The following CFAP61 variants were observed in gnomAD, a reference collection of about 807,000 sequenced individuals.
CFAP61 encodes cilia- and flagella-associated protein 61.
CFAP61 carries 107 observed loss-of-function variants against 135.6 expected under a neutral mutation model. That is an observed-to-expected ratio of 0.79 (90% CI 0.67 to 0.93). The LOEUF (loss-of-function observed/expected upper bound fraction) is 0.93. Ranked by LOEUF, CFAP61 falls within the 40% of genes least tolerant of loss-of-function variation. The pLI is 0.00. For synonymous variants in CFAP61, 575 were observed against 578.5 expected, an observed-to-expected ratio of 0.99 and a Z score of 0.09; for missense variants, 1,507 against 1,556.2, an observed-to-expected ratio of 0.97 and a Z score of 0.53.
chr20:20,325,685 G>GT (rs1368446787), intron 25 of CFAP61, among the ~76,000 whole-genome samples: 1 of 152,184 alleles, frequency 6.6e-6, no homozygotes, highest in Non-Finnish European at 1.5e-5. Context: ...ACATGTACAA[G>GT]TTTTTGTATG....
At chr20:20,142,744 A>G (rs2051510422) in intron 8 of CFAP61, 113 bp from the exon 9 acceptor site, 2 of 670,014 alleles carry the variant, frequency 3.0e-6, no homozygotes, top group Non-Finnish European at 5.3e-6. Context: ...CTAGAATAAA[A>G]TTCTTTAGAT....
intron 26 of CFAP61, among the ~76,000 whole-genome samples, 178 bp from the exon 27 acceptor site, chr20:20,360,032 T>A (rs1216295990): frequency 1.3e-5 from 2 of 152,144 alleles, no homozygotes; most frequent in African/African-American, 4.8e-5. Flanking sequence ...TAAAAATTAT[T>A]AAAATAAGAC....
At chr20:20,076,933 G>T (rs1019874555) in intron 6 of CFAP61, among the ~76,000 whole-genome samples, 1 of 152,272 alleles carries the variant, frequency 6.6e-6, no homozygotes, top group East Asian at 1.9e-4. Context: ...TACAGCACAA[G>T]ATTGTGATGA....
chr20:20,175,694 ATT>A (rs11087313), intron 13 of CFAP61, among the ~76,000 whole-genome samples: 32,503 of 149,612 alleles, frequency 0.22, 4,057 homozygotes, highest in African/African-American at 0.33. Flanking sequence ...ACCTGACTAA[ATT>A]TTTTTTTTTT....
chr20:20,330,624 C>T (rs1008110501), intron 25 of CFAP61, among the ~76,000 whole-genome samples: 1 of 152,136 alleles, frequency 6.6e-6, no homozygotes, highest in African/African-American at 2.4e-5. Context: ...AGGTGTGAGC[C>T]ACCACACCTG....
chr20:20,269,117 C>CTATATATATATA (rs142189443), intron 21 of CFAP61, among the ~76,000 whole-genome samples: 32 of 104,568 alleles, frequency 3.1e-4, no homozygotes, highest in Admixed American at 4.3e-4. Flanking sequence ...TATTCGTGGG[C>CTATATATATATA]TATATATATA....
At chr20:20,337,354 G>A (rs151049993) in intron 25 of CFAP61, among the ~76,000 whole-genome samples, 757 of 4,944 alleles carry the variant, frequency 0.15, 36 homozygotes, top group South Asian at 0.26. Context: ...GGGTGGGTGG[G>A]TGGATGGATG....
intron 7 of CFAP61, among the ~76,000 whole-genome samples, chr20:20,095,839 T>C (rs1227721666): frequency 6.6e-6 from 1 of 152,170 alleles, no homozygotes; most frequent in Admixed American, 6.5e-5. Context: ...CAGTGGAATA[T>C]TGTCACCCAA....
intron 17 of CFAP61, among the ~76,000 whole-genome samples, chr20:20,210,020 C>T (rs935239941): frequency 1.5e-4 from 23 of 152,164 alleles, no homozygotes; most frequent in African/African-American, 4.8e-4. Flanking sequence ...CCTGGAGCTA[C>T]GTGCTCTCTT....
intron 24 of CFAP61, among the ~76,000 whole-genome samples, chr20:20,294,954 ATAAT>A (rs1278082584): frequency 1.4e-5 from 2 of 142,124 alleles, no homozygotes; most frequent in African/African-American, 5.1e-5. Flanking sequence ...AATAATAATA[ATAAT>A]AATAATAATA....
chr20:20,074,401 TG>T, intron 4 of CFAP61, 23 bp downstream of exon 4: 1 of 1,590,056 alleles, frequency 6.3e-7, no homozygotes, highest in Non-Finnish European at 8.6e-7. Context: ...GGCCGTGCAG[TG>T]GTGAACATGA....
At chr20:20,352,226 T>C (rs1378176827) in intron 26 of CFAP61, among the ~76,000 whole-genome samples, 1 of 152,164 alleles carries the variant, frequency 6.6e-6, no homozygotes, top group Non-Finnish European at 1.5e-5. Context: ...CAAACACTTA[T>C]AACCATCAGA....
chr20:20,298,253 G>A lies in CFAP61; in HGVS notation c.3289G>A (p.Val1097Met), dbSNP rs1569264559. Residue 1097 changes from valine (V) to methionine (M), a missense_variant, in exon 25 of 27, where the codon GTG (valine) becomes ATG (methionine). Physicochemically the swap from Val to Met is conservative, Grantham distance 21 (BLOSUM62 1). Coordinates refer to ENST00000245957, the MANE Select transcript of CFAP61 (RefSeq NM_015585.4). The stretch of plus-strand genomic sequence containing the variant: ...AATTCATATTAACAAGTATAAAATG[G>A]TGGAAACCATCACGTGCCTTTCTAG... The part of the protein sequence containing the change: ...FRIHINKYKM[V>M]ETITCLSREP... 6.2e-7 allele frequency: 1 copy of A among 1,614,076 alleles called. No individual in the cohort carries two copies. Among genetic ancestry groups the A allele is most frequent in the Non-Finnish European group, 8.5e-7 (1 of 1,179,972 alleles).
intron 12 of CFAP61, among the ~76,000 whole-genome samples, chr20:20,166,665 A>T (rs575604154): frequency 2.0e-5 from 3 of 152,348 alleles, no homozygotes; most frequent in African/African-American, 7.2e-5. Flanking sequence ...TGTTACACAT[A>T]GCTTTACCAG....
intron 15 of CFAP61, among the ~76,000 whole-genome samples, chr20:20,195,610 C>CAA (rs73619881): frequency 0.078 from 11,808 of 152,098 alleles, 1,257 homozygotes; most frequent in East Asian, 0.56. Flanking sequence ...CCTGTGGAAA[C>CAA]GAGCAGTGTG....
intron 13 of CFAP61, among the ~76,000 whole-genome samples, chr20:20,175,695 T>A (rs200943103): frequency 7.4e-4 from 5 of 6,792 alleles, no homozygotes; most frequent in African/African-American, 6.4e-3. Context: ...CCTGACTAAA[T>A]TTTTTTTTTT....
At chr20:20,096,085 C>T (rs868722643) in intron 7 of CFAP61, among the ~76,000 whole-genome samples, 1 of 152,132 alleles carries the variant, frequency 6.6e-6, no homozygotes. Flanking sequence ...GTACTTCTGT[C>T]ACCAGGAAGA....
chr20:20,121,634 A>T (rs1302020437), intron 8 of CFAP61, among the ~76,000 whole-genome samples: 1 of 152,156 alleles, frequency 6.6e-6, no homozygotes, highest in Non-Finnish European at 1.5e-5. Flanking sequence ...AACTGGAATT[A>T]CAGGCACATG....
intron 2 of CFAP61, among the ~76,000 whole-genome samples, chr20:20,060,481 G>A (rs1220834368): frequency 6.6e-6 from 1 of 152,122 alleles, no homozygotes. Context: ...TGATTTGTGA[G>A]GTATAAACCA....
Sources: allele counts gnomAD v4.1 joint callset (sites outside exome capture counted in the v4.1 genomes callset), GRCh38; gene constraint gnomAD v4.1.1; transcripts MANE v1.5; gene names NCBI Gene and HGNC (gene_info 2026-07-23, HGNC 2026-07-21).